The following HHAT variants were observed in gnomAD, a reference collection of about 807,000 sequenced individuals.
HHAT encodes the protein protein-cysteine N-palmitoyltransferase HHAT.
A neutral mutation model predicts 70.8 loss-of-function variants in HHAT; 47 were observed. The observed-to-expected ratio is 0.66, with a 90% CI of 0.53 to 0.85. The LOEUF (loss-of-function observed/expected upper bound fraction) is 0.85. Among genes scored for constraint, HHAT ranks in the 40% least tolerant of loss-of-function variants. The pLI is 0.00. For missense variants in HHAT, 609 were observed against 604.8 expected (o/e 1.01, Z -0.07); for synonymous variants, 228 against 247.6 (o/e 0.92, Z 0.74).
chr1:210,495,281 AAATTATAAT>A (rs1391579936), intron 8 of HHAT, among the ~76,000 whole-genome samples: 1 of 151,024 alleles, frequency 6.6e-6, no homozygotes, highest in African/African-American at 2.4e-5. Flanking sequence ...GATTTTATAT[AAATTATAAT>A]ATATTACAAA....
At chr1:210,651,173 A>G (rs1574002578) in intron 11 of HHAT, among the ~76,000 whole-genome samples, 1 of 152,318 alleles carries the variant, frequency 6.6e-6, no homozygotes, top group African/African-American at 2.4e-5. Context: ...TCTTCTGTGC[A>G]TGGCAAATGC....
intron 11 of HHAT, among the ~76,000 whole-genome samples, chr1:210,644,175 AGG>A (rs2148918669): frequency 6.6e-6 from 1 of 152,372 alleles, no homozygotes; most frequent in African/African-American, 2.4e-5. Flanking sequence ...GTATACAACC[AGG>A]ACTAGAGGCC....
intron 9 of HHAT, among the ~76,000 whole-genome samples, chr1:210,544,911 C>T (rs2095469761): frequency 6.6e-6 from 1 of 152,104 alleles, no homozygotes; most frequent in South Asian, 2.1e-4. Context: ...CCTAAATTCC[C>T]AGGTCTGTTG....
chr1:210,573,574 A>G (rs1656881401), intron 9 of HHAT, among the ~76,000 whole-genome samples: 1 of 152,176 alleles, frequency 6.6e-6, no homozygotes. Context: ...CAACTTGAGT[A>G]CTTTAATTTT....
rs1018590047 is a variant in HHAT, at chr1:210,464,713, G to A, written c.1007+58G>A. 1.4e-5 allele frequency: 23 copies of A among 1,594,482 alleles called. No homozygotes were observed. In the South Asian group the frequency reaches 2.3e-4, roughly 16 times the overall value. ...CATGTCCAGTGGGAGGAGCATGGCT[G>A]GGCCGGCCTCAAAGGGTTCGGGCTA... is the stretch of plus-strand genomic sequence containing the variant. On this transcript the variant is annotated intron_variant, in intron 8 of 11. Transcript: ENST00000261458.
At chr1:210,593,897 C>T (rs1432750447) in intron 10 of HHAT, among the ~76,000 whole-genome samples, 1 of 152,008 alleles carries the variant, frequency 6.6e-6, no homozygotes, top group East Asian at 1.9e-4. Context: ...GAATTGATCC[C>T]TTTATCATTA....
At chr1:210,453,784 T>C (rs1312857138) in intron 7 of HHAT, among the ~76,000 whole-genome samples, 2 of 152,200 alleles carry the variant, frequency 1.3e-5, no homozygotes, top group Non-Finnish European at 2.9e-5. Flanking sequence ...CTTTAATTAG[T>C]AGTTAATTTC....
intron 10 of HHAT, among the ~76,000 whole-genome samples, chr1:210,602,747 G>A (rs982521396): frequency 6.6e-6 from 1 of 152,146 alleles, no homozygotes; most frequent in Non-Finnish European, 1.5e-5. Context: ...AATGCGTGTT[G>A]TTATGAACGG....
chr1:210,362,458 C>T (rs1191661998), intron 2 of HHAT, among the ~76,000 whole-genome samples: 1 of 152,208 alleles, frequency 6.6e-6, no homozygotes, highest in African/African-American at 2.4e-5. Context: ...AACTCCTGAA[C>T]TTGTAATCCG....
chr1:210,594,610 T>G (rs1461344161), intron 10 of HHAT, among the ~76,000 whole-genome samples: 1 of 152,172 alleles, frequency 6.6e-6, no homozygotes, highest in Non-Finnish European at 1.5e-5. Flanking sequence ...GTTATAGTAT[T>G]CTGTGTTTTC....
chr1:210,497,148 T>C (rs1229823814), intron 8 of HHAT, among the ~76,000 whole-genome samples: 1 of 152,216 alleles, frequency 6.6e-6, no homozygotes, highest in Non-Finnish European at 1.5e-5. Context: ...ATTAAACTTT[T>C]ATATCTTGAG....
intron 1 of HHAT, among the ~76,000 whole-genome samples, chr1:210,343,688 A>T (rs922382743): frequency 1.3e-5 from 2 of 152,094 alleles, no homozygotes; most frequent in Non-Finnish European, 2.9e-5. Context: ...GTCCCCGGGG[A>T]TAGTTTGCTT....
At chr1:210,571,669 C>G (rs1016222908) in intron 9 of HHAT, among the ~76,000 whole-genome samples, 1 of 152,196 alleles carries the variant, frequency 6.6e-6, no homozygotes, top group Non-Finnish European at 1.5e-5. Flanking sequence ...TGAGAGGGAG[C>G]CTTCCAAGCA....
rs1209699006 is a variant in HHAT at position 210,623,513 on chromosome 1, A to G, written c.1246-13A>G. ...CCTTGTCATGAGATGCTTTCTTGCC[A>G]TTTTTCCCGTAGGCCCGATACTTCT... On this transcript the variant is annotated splice_polypyrimidine_tract_variant and intron_variant, in intron 10 of 11. Transcript: ENST00000261458. 3.7e-6 allele frequency: 6 copies of G among 1,613,240 alleles called. No homozygotes were observed. Among genetic ancestry groups the G allele is most frequent in the South Asian group, 1.1e-5 (1 of 90,942 alleles).
intron 10 of HHAT, among the ~76,000 whole-genome samples, chr1:210,604,040 A>G (rs902361197): frequency 2.6e-5 from 4 of 152,208 alleles, no homozygotes; most frequent in African/African-American, 9.6e-5. Context: ...AAGTTCATCC[A>G]TCAAACTGAC....
At chr1:210,347,707 C>T (rs561544752) in intron 1 of HHAT, among the ~76,000 whole-genome samples, 1 of 152,260 alleles carries the variant, frequency 6.6e-6, no homozygotes, top group South Asian at 2.1e-4. Context: ...ATTTCTCTTT[C>T]CTGTAACAGT....
intron 9 of HHAT, among the ~76,000 whole-genome samples, chr1:210,520,854 C>G (rs4453042): frequency 0.27 from 40,373 of 152,018 alleles, 5,802 homozygotes; most frequent in South Asian, 0.42. Flanking sequence ...TTTATCGTCA[C>G]TTTTCGTATT....
intron 2 of HHAT, among the ~76,000 whole-genome samples, chr1:210,362,217 A>G (rs2088405316): frequency 6.6e-6 from 1 of 150,602 alleles, no homozygotes; most frequent in African/African-American, 2.5e-5. Flanking sequence ...GTTTTGTGGC[A>G]TAGTCTGTGT....
intron 3 of HHAT, among the ~76,000 whole-genome samples, chr1:210,385,666 T>C (rs1202546863): frequency 1.3e-5 from 2 of 152,236 alleles, no homozygotes; most frequent in African/African-American, 4.8e-5. Flanking sequence ...CGCAGTATTG[T>C]ATTTCCTTAT....
Sources: allele counts gnomAD v4.1 joint callset (sites outside exome capture counted in the v4.1 genomes callset), GRCh38; gene constraint gnomAD v4.1.1; transcripts MANE v1.5; gene names NCBI Gene and HGNC (gene_info 2026-07-23, HGNC 2026-07-21).